DHX9: variants seen among roughly 807,000 people sequenced by gnomAD.
The protein encoded by DHX9 is DExH-box helicase 9.
In DHX9, 27 loss-of-function variants were observed where a neutral mutation model predicts 148.7. That is an observed-to-expected ratio of 0.18 (90% confidence interval 0.13 to 0.25). The LOEUF (loss-of-function observed/expected upper bound fraction) is 0.25. Among genes scored for constraint, DHX9 ranks in the 10% least tolerant of loss-of-function variants. The pLI, the probability that DHX9 is intolerant of heterozygous loss-of-function variation, is 1.00. For missense variants in DHX9, 796 were observed against 1,559.6 expected (o/e 0.51, Z 8.25); for synonymous variants, 529 against 516.6 (o/e 1.02, Z -0.33).
intron 20 of DHX9, among the ~76,000 whole-genome samples, chr1:182,878,463 T>A (rs1648924203): frequency 6.6e-6 from 1 of 152,182 alleles, no homozygotes; most frequent in Admixed American, 6.5e-5. Context: ...AAATATTAAG[T>A]TACTTAACCT....
In DHX9 at chr1:182,872,479, C is replaced by G. The variant is rs1648589639; in HGVS notation, c.1700C>G (p.Thr567Ser). The G allele has an allele frequency of 4.3e-6, 7 of 1,613,618 alleles. No individual in the cohort carries two copies. The highest frequency in any genetic ancestry group is 5.9e-6 in the Non-Finnish European group (7 of 1,179,876). Residue 567 changes from threonine (T) to serine (S), a missense_variant, in exon 15 of 28, where the codon ACT (threonine) becomes AGT (serine). Physicochemically the swap from Thr to Ser is moderately conservative, Grantham distance 58. This residue lies in a region of DHX9 where 133 missense variants were observed against 223.8 expected (regional missense o/e 0.59). Coordinates refer to ENST00000367549, the MANE Select transcript of DHX9 (RefSeq NM_001357.5). ...NCPIIEVYGR[T>S]YPVQEYFLED... ...CCCATCATTGAAGTTTATGGGAGGA[C>G]TTACCCAGTTCAAGGTAATATTGTG...
intron 27 of DHX9, among the ~76,000 whole-genome samples, chr1:182,885,150 T>A (rs1649266816): frequency 6.6e-6 from 1 of 152,206 alleles, no homozygotes; most frequent in Non-Finnish European, 1.5e-5. Flanking sequence ...TTTTGGCATC[T>A]CTAAAGAAAA....
At chr1:182,877,929 T>C in intron 19 of DHX9, 92 bp from the exon 20 acceptor site, 1 of 1,406,082 alleles carries the variant, frequency 7.1e-7, no homozygotes, top group Admixed American at 2.0e-5. Flanking sequence ...TGGCTTTAAC[T>C]ACATAGTGGA....
intron 3 of DHX9, among the ~76,000 whole-genome samples, chr1:182,850,810 C>T (rs1237041622): frequency 3.3e-5 from 5 of 152,072 alleles, no homozygotes; most frequent in Non-Finnish European, 7.4e-5. Context: ...TTAGGCAGAG[C>T]CAAGATTATG....
chr1:182,885,762 T>C (rs1281623225), intron 27 of DHX9, among the ~76,000 whole-genome samples: 1 of 152,190 alleles, frequency 6.6e-6, no homozygotes, highest in Non-Finnish European at 1.5e-5. Flanking sequence ...CCAGGCAACA[T>C]GGCTCCTGAA....
chr1:182,875,152 A>G (rs1432553566), intron 16 of DHX9, 198 bp downstream of exon 16: 1 of 611,608 alleles, frequency 1.6e-6, no homozygotes, highest in Admixed American at 2.1e-5. Context: ...TTCTATCACA[A>G]GTTAAATTAT....
chr1:182,882,649 G>A lies in DHX9; in HGVS notation c.2915-490G>A, dbSNP rs549391637. 4.6e-5 allele frequency among the ~76,000 whole-genome samples: 7 copies of A among 152,222 alleles called. No individual in the cohort carries two copies. The South Asian group carries it at 6.2e-4, about 14-fold the overall frequency. ...TGGGAGGCCGAGTCAGGTGGATCAC[G>A]AGGTCAGGAGATCGAGACCATCCTG... On this transcript the variant is annotated intron_variant, in intron 24 of 27. Coordinates refer to ENST00000367549, the MANE Select transcript of DHX9 (RefSeq NM_001357.5).
At chr1:182,859,894 G>A (rs571077551) in intron 11 of DHX9, 99 bp from the exon 12 acceptor site, 26 of 1,202,950 alleles carry the variant, frequency 2.2e-5, no homozygotes, top group African/African-American at 4.7e-5. Context: ...GTGAGCCACC[G>A]CGCCCAGTCT....
Position 182,850,156 on chromosome 1 carries a change from CTTAAGTA to C in DHX9, c.253-2067_253-2061del, listed in dbSNP as rs1379539049. ...TCTTGGTAGAGTGTGGAACCATATC[CTTAAGTA>C]TTAAGTATTCATACATAATACTACT... On this transcript the variant is annotated intron_variant, in intron 3 of 27. Transcript: ENST00000367549. 1.3e-4 allele frequency among the ~76,000 whole-genome samples: 20 copies of C among 152,028 alleles called. No homozygotes were observed. In the East Asian group the frequency reaches 3.3e-3, roughly 25 times the overall value.
chr1:182,858,580 A>G lies in DHX9; in HGVS notation c.840A>G (p.Gln280=). The change falls in exon 9 of 28, where the codon CAA becomes CAG. Residue 280 remains glutamine (Q), a synonymous_variant. Coordinates refer to ENST00000367549, the MANE Select transcript of DHX9 (RefSeq NM_001357.5). The part of the protein sequence containing the change: ...TVEPYKVNLS[Q]DLEHQLQNII... Reference sequence around the variant, plus strand: ...AGCCTTACAAAGTAAACCTCTCTCAAGATTTAGAGCATCAGCTGCAAAACA... The same window carrying G: ...AGCCTTACAAAGTAAACCTCTCTCAGGATTTAGAGCATCAGCTGCAAAACA... 2.5e-6 allele frequency: 4 copies of G among 1,611,476 alleles called. No homozygotes were observed. Among genetic ancestry groups the G allele is most frequent in the Non-Finnish European group, 3.4e-6 (4 of 1,178,468 alleles).
chr1:182,869,401 C>G (rs183510206), intron 14 of DHX9, among the ~76,000 whole-genome samples: 2 of 152,258 alleles, frequency 1.3e-5, no homozygotes, highest in Admixed American at 1.3e-4. Flanking sequence ...CTGGTTTGGG[C>G]CAGTCCTGAC....
rs1045832936 is a variant in DHX9, at chr1:182,853,469, G to A, written c.477+51G>A. The A allele has an allele frequency of 1.5e-5, 21 of 1,374,918 alleles. No homozygotes were observed. The East Asian group carries it at 4.8e-4, about 32-fold the overall frequency. The allele number at this position is 1,374,918 out of a possible 1,614,324, so 85.2% of individuals were successfully genotyped here. On this transcript the variant is annotated intron_variant, in intron 5 of 27. Coordinates refer to ENST00000367549, the MANE Select transcript of DHX9 (RefSeq NM_001357.5). ...CTCTGAGAATGTGATTTGGGACTTA[G>A]TTAACAGCAAAGCTTAGGATTAGGA...
intron 25 of DHX9, 52 bp from the exon 26 acceptor site, chr1:182,883,467 AT>A (rs919363973): frequency 6.3e-7 from 1 of 1,578,462 alleles, no homozygotes; most frequent in Non-Finnish European, 8.7e-7. Flanking sequence ...ATATAGCGGT[AT>A]TTGGAAGTTG....
intron 11 of DHX9, 81 bp from the exon 12 acceptor site, chr1:182,859,912 T>G: frequency 7.2e-7 from 1 of 1,398,242 alleles, no homozygotes; most frequent in Non-Finnish European, 9.8e-7. Flanking sequence ...TCTATAGAGA[T>G]GGAAGTTTTT....
chr1:182,848,662 A>T (rs1668075154), intron 3 of DHX9, among the ~76,000 whole-genome samples: 1 of 152,244 alleles, frequency 6.6e-6, no homozygotes. Context: ...CTGTATTATT[A>T]GTCCATTCTT....
intron 14 of DHX9, 48 bp from the exon 15 acceptor site, chr1:182,872,289 A>G (rs1438830571): frequency 1.3e-6 from 2 of 1,515,680 alleles, no homozygotes; most frequent in Non-Finnish European, 1.8e-6. Flanking sequence ...ATAGCTTGTT[A>G]TATAAACTTA....
At position 182,883,239 on chromosome 1, in the gene DHX9, T is replaced by C. The variant is rs746311188; in HGVS notation, c.3015T>C (p.Tyr1005=). The part of the protein sequence containing the change: ...LAFGVYPNVC[Y]HKEKRKILTT... ...TTGGTGTGTACCCCAATGTATGCTATCATAAGGAAAAGAGGAAGATTCTCA... is the reference window on the plus strand; with the variant it reads ...TTGGTGTGTACCCCAATGTATGCTACCATAAGGAAAAGAGGAAGATTCTCA... The change falls in exon 25 of 28, where the codon TAT becomes TAC. Residue 1005 remains tyrosine, a synonymous_variant. Coordinates refer to ENST00000367549, the MANE Select transcript of DHX9 (RefSeq NM_001357.5). 12 of 1,613,998 alleles carry C rather than the reference T, an allele frequency of 7.4e-6. No individual in the cohort carries two copies. In the Admixed American group the frequency reaches 2.0e-4, roughly 27 times the overall value.
Position 182,865,257 on chromosome 1 carries a change from C to T in DHX9, c.1333-1187C>T, listed in dbSNP as rs191481709. Among the ~76,000 whole-genome samples, 5 of 152,296 alleles carry T rather than the reference C, an allele frequency of 3.3e-5. No individual in the cohort carries two copies. The East Asian group carries it at 9.6e-4, about 29-fold the overall frequency. ...GTAGAATTCTCTTGATGGACAGATA[C>T]AGAGCTCATACTTTCATGTAACGCT... On this transcript the variant is annotated intron_variant, in intron 12 of 27. Coordinates refer to ENST00000367549, the MANE Select transcript of DHX9 (RefSeq NM_001357.5).
chr1:182,867,147 A>AAAC (rs1648332385), intron 14 of DHX9, 104 bp downstream of exon 14: 1 of 693,716 alleles, frequency 1.4e-6, no homozygotes, highest in African/African-American at 1.9e-5. Context: ...ATCATTATCA[A>AAAC]AACCATGAAC....
Sources: allele counts gnomAD v4.1 joint callset (sites outside exome capture counted in the v4.1 genomes callset), GRCh38; gene constraint gnomAD v4.1.1; regional missense constraint gnomAD v4.1.1; transcripts MANE v1.5; gene names NCBI Gene and HGNC (gene_info 2026-07-23, HGNC 2026-07-21).